Variants in TRAPPC9 observed in about 807,000 individuals in gnomAD.
TRAPPC9 encodes trafficking protein particle complex subunit 9, also known as IKK2 binding protein.
TRAPPC9 carries 83 observed loss-of-function variants against 124.0 expected under a neutral mutation model. The observed-to-expected ratio is 0.67, with a 90% confidence interval of 0.56 to 0.80. The LOEUF is 0.80. Among genes scored for constraint, TRAPPC9 ranks in the 30% least tolerant of loss-of-function variants. The pLI, the probability that TRAPPC9 is intolerant of heterozygous loss-of-function variation, is 0.00. For synonymous variants in TRAPPC9, 638 were observed against 617.5 expected (o/e 1.03, Z -0.49); for missense variants, 1,302 against 1,508.3 (o/e 0.86, Z 2.27).
At chr8:140,077,916 T>C (rs1179379935) in intron 17 of TRAPPC9, among the ~76,000 whole-genome samples, 1 of 152,176 alleles carries the variant, frequency 6.6e-6, no homozygotes, top group Non-Finnish European at 1.5e-5. Flanking sequence ...ACAATCGTGA[T>C]GTTTCTTATG....
chr8:140,405,884 G>A (rs2069471776), intron 5 of TRAPPC9, among the ~76,000 whole-genome samples, 186 bp from the exon 6 acceptor site: 2 of 152,102 alleles, frequency 1.3e-5, no homozygotes, highest in South Asian at 4.1e-4. Context: ...TGTATTAAAT[G>A]TTGGTTAACT....
rs963474372 is a variant in TRAPPC9 at position 139,730,924 on chromosome 8, G to A, written c.*137C>T. ...AGCAAAGATGCTACAGGAGGAACAG[G>A]AGGAGAGGGCTGGGAGGGGTCTGGG... On this transcript the variant is annotated 3_prime_UTR_variant, in exon 23 of 23. Coordinates refer to ENST00000438773, the MANE Select transcript of TRAPPC9 (RefSeq NM_001160372.4). 26 of 961,178 alleles carry A rather than the reference G, an allele frequency of 2.7e-5. No homozygotes were observed. Among genetic ancestry groups the A allele is most frequent in the Non-Finnish European group, 3.9e-5 (25 of 649,232 alleles). The allele number at this position is 961,178 out of a possible 1,614,324, so 59.5% of individuals were successfully genotyped here. A position where few individuals can be genotyped will look rare whatever the true frequency, so the allele number is the denominator to read the frequency against.
chr8:140,368,140 C>T (rs549257893), intron 8 of TRAPPC9, among the ~76,000 whole-genome samples: 2 of 152,250 alleles, frequency 1.3e-5, no homozygotes, highest in African/African-American at 4.8e-5. Context: ...GATGACTGGA[C>T]TCATACTGTT....
At chr8:140,081,793 A>C (rs1843836573) in intron 17 of TRAPPC9, among the ~76,000 whole-genome samples, 2 of 152,164 alleles carry the variant, frequency 1.3e-5, no homozygotes, top group South Asian at 4.1e-4. Flanking sequence ...TCAATCTGCT[A>C]TTCTCTCAAG....
chr8:140,113,956 G>A (rs144142795), intron 17 of TRAPPC9, among the ~76,000 whole-genome samples: 60 of 152,274 alleles, frequency 3.9e-4, no homozygotes, highest in African/African-American at 1.1e-3. Context: ...GCTCATCTGC[G>A]GAACTTCTGG....
chr8:140,073,729 T>G (rs954356420), intron 17 of TRAPPC9, among the ~76,000 whole-genome samples: 1 of 152,206 alleles, frequency 6.6e-6, no homozygotes, highest in Non-Finnish European at 1.5e-5. Context: ...CTCAACACCG[T>G]CACTCAGTAT....
chr8:139,755,113 A>G (rs1300163386), intron 21 of TRAPPC9, among the ~76,000 whole-genome samples: 3 of 152,206 alleles, frequency 2.0e-5, no homozygotes, highest in Admixed American at 2.0e-4. Flanking sequence ...GGGAGCCATG[A>G]GCTCCGAGCC....
chr8:140,377,741 C>G lies in TRAPPC9; in HGVS notation c.1135-6561G>C, dbSNP rs540851484. Among the ~76,000 whole-genome samples, 14 of 152,324 alleles carry G rather than the reference C, an allele frequency of 9.2e-5. No homozygotes were observed. In the East Asian group the frequency reaches 2.7e-3, roughly 29 times the overall value. ...CCCATCACTCCTTTCCTAAACTCCT[C>G]TCCTGCCTGTCCGAAATAGACTAAT... On this transcript the variant is annotated intron_variant, in intron 7 of 22. Coordinates refer to ENST00000438773, the MANE Select transcript of TRAPPC9 (RefSeq NM_001160372.4).
At chr8:140,415,562 A>C (rs2069893685) in intron 5 of TRAPPC9, among the ~76,000 whole-genome samples, 1 of 152,174 alleles carries the variant, frequency 6.6e-6, no homozygotes, top group Non-Finnish European at 1.5e-5. Context: ...TCACACAAAA[A>C]AAAAGAAAAG....
At chr8:140,132,256 C>T (rs2061221654) in intron 17 of TRAPPC9, among the ~76,000 whole-genome samples, 1 of 152,174 alleles carries the variant, frequency 6.6e-6, no homozygotes. Context: ...ACAACGTGCT[C>T]CTTGGACTTT....
chr8:140,204,329 C>T (rs551382603), intron 17 of TRAPPC9, among the ~76,000 whole-genome samples: 7 of 152,096 alleles, frequency 4.6e-5, no homozygotes, highest in South Asian at 4.2e-4. Context: ...TGTAGGGACA[C>T]GGATGAAGCT....
rs56744289 is a variant in TRAPPC9, at chr8:140,106,344, A to G, written c.2557-82265T>C. Among the ~76,000 whole-genome samples, 1,416 of 151,480 alleles carry G rather than the reference A, an allele frequency of 9.3e-3. 24 individuals carry two copies. The highest frequency in any genetic ancestry group is 0.032 in the African/African-American group (1,319 of 41,134). On this transcript the variant is annotated intron_variant, in intron 17 of 22. Transcript: ENST00000438773. Reference sequence around the variant, plus strand: ...TACCTAGGTAACTGATTTCGACTGAAGATCAAAAAGAATTTCCCAACTGTC... The same window carrying G: ...TACCTAGGTAACTGATTTCGACTGAGGATCAAAAAGAATTTCCCAACTGTC...
intron 17 of TRAPPC9, among the ~76,000 whole-genome samples, chr8:140,194,434 T>C (rs1027477579): frequency 1.3e-5 from 2 of 152,220 alleles, no homozygotes; most frequent in Non-Finnish European, 2.9e-5. Context: ...GCTATGTAAA[T>C]AGTTATATTG....
rs542987033 is a variant in TRAPPC9 at position 140,199,142 on chromosome 8, C to T, written c.2556+22317G>A. On this transcript the variant is annotated intron_variant, in intron 17 of 22. Coordinates refer to ENST00000438773, the MANE Select transcript of TRAPPC9 (RefSeq NM_001160372.4). ...GCTCACAGCTTCTCAAAGCACAGTACAAAGCAGGGCTTCTTGCACGTGAAC... is the reference window on the plus strand; with the variant it reads ...GCTCACAGCTTCTCAAAGCACAGTATAAAGCAGGGCTTCTTGCACGTGAAC... Among the ~76,000 whole-genome samples, 9 of 152,258 alleles carry T rather than the reference C, an allele frequency of 5.9e-5. No homozygotes were observed. The South Asian group carries it at 1.9e-3, about 32-fold the overall frequency.
intron 17 of TRAPPC9, among the ~76,000 whole-genome samples, chr8:140,068,585 C>T (rs1211263531): frequency 1.3e-5 from 2 of 152,214 alleles, no homozygotes; most frequent in Non-Finnish European, 2.9e-5. Flanking sequence ...TCAAACTCAG[C>T]CACGCTTGTC....
At chr8:139,752,071 C>A (rs1376012317) in intron 21 of TRAPPC9, among the ~76,000 whole-genome samples, 1 of 151,796 alleles carries the variant, frequency 6.6e-6, no homozygotes, top group Non-Finnish European at 1.5e-5. Context: ...TCCATCCATC[C>A]ATCCACCATT....
chr8:140,130,338 C>T (rs1431188921), intron 17 of TRAPPC9, among the ~76,000 whole-genome samples: 2 of 152,142 alleles, frequency 1.3e-5, no homozygotes, highest in Non-Finnish European at 2.9e-5. Flanking sequence ...GCAGACACCA[C>T]CTTACTCAAG....
chr8:140,404,946 G>GTGTGTGTGTC (rs910246104), intron 6 of TRAPPC9, among the ~76,000 whole-genome samples: 2 of 150,882 alleles, frequency 1.3e-5, no homozygotes, highest in Non-Finnish European at 3.0e-5. Context: ...GTGTGTGTGT[G>GTGTGTGTGTC]TCTCATAGGC....
intron 17 of TRAPPC9, among the ~76,000 whole-genome samples, chr8:140,138,164 G>C (rs552735033): frequency 3.3e-5 from 5 of 152,184 alleles, no homozygotes; most frequent in African/African-American, 9.6e-5. Flanking sequence ...AGCCAGGCAC[G>C]GTGGGCAAAC....
Sources: gnomAD v4.1 joint callset for allele counts (sites outside exome capture counted in the v4.1 genomes callset) on GRCh38, gnomAD v4.1.1 for gene constraint, MANE v1.5 for transcripts, NCBI Gene and HGNC (gene_info 2026-07-23, HGNC 2026-07-21) for gene names.